Variants in SCTR observed in about 807,000 individuals in gnomAD.
SCTR encodes pancreatic secretin receptor.
SCTR carries 56 observed loss-of-function variants against 60.8 expected under a neutral mutation model. That is an observed-to-expected ratio of 0.92 (90% CI 0.74 to 1.15). The LOEUF is 1.15. Among genes scored for constraint, SCTR ranks in the 50% most tolerant of loss-of-function variants. SCTR has a pLI of 0.00. For synonymous variants in SCTR, 202 were observed against 217.0 expected (o/e 0.93, Z 0.61); for missense variants, 562 against 550.4 (o/e 1.02, Z -0.21).
chr2:119,475,653 AATAG>A (rs1423882300), intron 3 of SCTR, among the ~76,000 whole-genome samples: 4 of 138,828 alleles, frequency 2.9e-5, no homozygotes, highest in African/African-American at 9.2e-5. Context: ...ATATAATATA[AATAG>A]ATATTTATAT....
chr2:119,452,863 C>T (rs1683226561), intron 8 of SCTR, among the ~76,000 whole-genome samples: 1 of 152,180 alleles, frequency 6.6e-6, no homozygotes, highest in South Asian at 2.1e-4. Flanking sequence ...GGCTCACTGC[C>T]ACCCTCAATG....
In SCTR at chr2:119,524,474, G is replaced by C. The variant is rs898817918; in HGVS notation, c.-248C>G. 2.9e-6 allele frequency: 1 copy of C among 347,518 alleles called. No homozygotes were observed. The highest frequency in any genetic ancestry group is 5.2e-6 in the Non-Finnish European group (1 of 194,016). The allele number at this position is 347,518 out of a possible 1,614,324, so 21.5% of individuals were successfully genotyped here. On this transcript the variant is annotated 5_prime_UTR_variant, in exon 1 of 13. Coordinates refer to ENST00000019103, the MANE Select transcript of SCTR (RefSeq NM_002980.3). ...CTTTGCCGGCGCGCCTCCTCCACCCGGCAGGGACTGGCGCGGGGTCGGCGC... is the reference window on the plus strand; with the variant it reads ...CTTTGCCGGCGCGCCTCCTCCACCCCGCAGGGACTGGCGCGGGGTCGGCGC...
chr2:119,502,339 A>G (rs1678581280), intron 1 of SCTR, among the ~76,000 whole-genome samples: 1 of 152,250 alleles, frequency 6.6e-6, no homozygotes, highest in African/African-American at 2.4e-5. Context: ...CAGAATTTAT[A>G]TGCTGAGAAC....
chr2:119,444,446 T>C (rs180836907), intron 11 of SCTR, among the ~76,000 whole-genome samples: 1,215 of 113,448 alleles, frequency 0.011, 231 homozygotes, highest in African/African-American at 0.047. Flanking sequence ...CACATATATA[T>C]ACGTACGTAT....
chr2:119,482,246 G>GC (rs1194336111), intron 2 of SCTR, among the ~76,000 whole-genome samples: 1 of 152,234 alleles, frequency 6.6e-6, no homozygotes, highest in Non-Finnish European at 1.5e-5. Context: ...GGTTAGGGGG[G>GC]ATGCTGGCCT....
rs924047890 is a variant in SCTR, at chr2:119,454,212, G to C, written c.791-865C>G. ...AGTGCCCAAGGATGCTCTAGGGCCA[G>C]GGCACCCGGTACCCAGGAGGCAGGC... On this transcript the variant is annotated intron_variant, in intron 7 of 12. Coordinates refer to ENST00000019103, the MANE Select transcript of SCTR (RefSeq NM_002980.3). 3.3e-5 allele frequency among the ~76,000 whole-genome samples: 5 copies of C among 152,272 alleles called. No individual in the cohort carries two copies. In the East Asian group the frequency reaches 9.7e-4, roughly 29 times the overall value.
chr2:119,499,511 C>A (rs867916028), intron 1 of SCTR, among the ~76,000 whole-genome samples: 1 of 151,980 alleles, frequency 6.6e-6, no homozygotes, highest in African/African-American at 2.4e-5. Context: ...AAATCATATA[C>A]AATGTGTTCT....
Position 119,478,805 on chromosome 2 carries a change from G to A in SCTR, c.301+6C>T. 6.2e-7 allele frequency: 1 copy of A among 1,614,134 alleles called. No individual in the cohort carries two copies. The highest frequency in any genetic ancestry group is 8.5e-7 in the Non-Finnish European group (1 of 1,179,982). Reference sequence around the variant, plus strand: ...GTCCGCCAGGCCCCATGGGCCGAGTGGTTACCATTTCTGCTGGTGAGCATC... The same window carrying A: ...GTCCGCCAGGCCCCATGGGCCGAGTAGTTACCATTTCTGCTGGTGAGCATC... On this transcript the variant is annotated splice_donor_region_variant and intron_variant, in intron 3 of 12. Transcript: ENST00000019103.
chr2:119,465,704 C>T lies in SCTR; in HGVS notation c.503+85G>A, dbSNP rs1053485417. The T allele has an allele frequency of 3.3e-6, 3 of 912,158 alleles. No homozygotes were observed. The African/African-American group carries it at 4.9e-5, about 15-fold the overall frequency. The allele number at this position is 912,158 out of a possible 1,614,324, so 56.5% of individuals were successfully genotyped here. On this transcript the variant is annotated intron_variant, in intron 5 of 12. Transcript: ENST00000019103. ...CAAGGTAGTTCACTCAGACCTTCCT[C>T]TTTCTGTCCTGGGTGGTTGAGAAGA...
At chr2:119,524,072 A>G (rs1476091673) in intron 1 of SCTR, 83 bp downstream of exon 1, 18 of 1,071,956 alleles carry the variant, frequency 1.7e-5, no homozygotes, top group Non-Finnish European at 2.4e-5. Context: ...GTCCCTCTCC[A>G]CCTGCATCCT....
intron 1 of SCTR, 56 bp downstream of exon 1, chr2:119,524,099 A>C: frequency 7.1e-7 from 1 of 1,405,254 alleles, no homozygotes; most frequent in Non-Finnish European, 9.8e-7. Flanking sequence ...GGCCGGAGAA[A>C]GGGCGAGACT....
chr2:119,455,942 A>T (rs1229815361), intron 7 of SCTR, among the ~76,000 whole-genome samples: 2 of 152,140 alleles, frequency 1.3e-5, no homozygotes, highest in African/African-American at 4.8e-5. Context: ...CAGAGAGAAG[A>T]TCCTGCAGCT....
At chr2:119,492,878 ATTTT>A (rs1678192538) in intron 2 of SCTR, among the ~76,000 whole-genome samples, 1 of 130,496 alleles carries the variant, frequency 7.7e-6, no homozygotes, top group Admixed American at 7.6e-5. Context: ...TTATTTATTT[ATTTT>A]GAGACAGAGT....
intron 2 of SCTR, chr2:119,479,134 A>G (rs1303674718): frequency 1.6e-6 from 2 of 1,224,732 alleles, no homozygotes; most frequent in African/African-American, 1.6e-5. Context: ...TGTTGAAGAT[A>G]GAAGGAAGTA....
chr2:119,463,638 C>A (rs1683705071), intron 6 of SCTR, among the ~76,000 whole-genome samples: 1 of 152,126 alleles, frequency 6.6e-6, no homozygotes, highest in Non-Finnish European at 1.5e-5. Flanking sequence ...AGGGTGATTG[C>A]AATGAATTGA....
intron 2 of SCTR, among the ~76,000 whole-genome samples, chr2:119,488,313 A>G (rs1677968977): frequency 6.6e-6 from 1 of 152,218 alleles, no homozygotes. Context: ...GCCTGGCCAG[A>G]CACCACAGCT....
At chr2:119,499,701 C>A (rs1678468167) in intron 1 of SCTR, among the ~76,000 whole-genome samples, 1 of 151,730 alleles carries the variant, frequency 6.6e-6, no homozygotes, top group Non-Finnish European at 1.5e-5. Flanking sequence ...TCAATAGAGG[C>A]AGAAAAATTA....
chr2:119,440,077 T>A lies in SCTR; in HGVS notation c.*40A>T. 6.3e-7 allele frequency: 1 copy of A among 1,588,244 alleles called. No homozygotes were observed. The highest frequency in any genetic ancestry group is 8.6e-7 in the Non-Finnish European group (1 of 1,162,616). On this transcript the variant is annotated 3_prime_UTR_variant, in exon 13 of 13. Transcript: ENST00000019103. The stretch of plus-strand genomic sequence containing the variant: ...AGCAGTGCCCAGCCTTCGCAGGACC[T>A]CTCTTGGTCTCTGTCCGTGGGTGAC...
intron 1 of SCTR, among the ~76,000 whole-genome samples, chr2:119,519,267 G>T (rs1379558452): frequency 6.6e-6 from 1 of 151,884 alleles, no homozygotes; most frequent in Non-Finnish European, 1.5e-5. Context: ...GGGCCACCGC[G>T]CTCCGCCTAA....
Sources: allele counts gnomAD v4.1 joint callset (sites outside exome capture counted in the v4.1 genomes callset), GRCh38; gene constraint gnomAD v4.1.1; transcripts MANE v1.5; gene names NCBI Gene and HGNC (gene_info 2026-07-23, HGNC 2026-07-21).